SNCAIP: variants seen among roughly 807,000 people sequenced by gnomAD.
SNCAIP encodes the protein synphilin-1.
A neutral mutation model predicts 86.7 loss-of-function variants in SNCAIP; 43 were observed. The observed-to-expected ratio is 0.50, with a 90% CI of 0.39 to 0.64. The LOEUF is 0.64. SNCAIP is among the 30% of genes least tolerant of loss of function. SNCAIP has a pLI of 0.00. For synonymous variants in SNCAIP, 417 were observed against 427.2 expected, an observed-to-expected ratio of 0.98 and a Z score of 0.29; for missense variants, 981 against 1,103.1, an observed-to-expected ratio of 0.89 and a Z score of 1.57.
At chr5:122,445,784 A>T (rs2152986709) in intron 8 of SNCAIP, among the ~76,000 whole-genome samples, 1 of 150,528 alleles carries the variant, frequency 6.6e-6, no homozygotes, top group South Asian at 2.1e-4. Flanking sequence ...AAAGACCTCA[A>T]TTAATTAATT....
intron 3 of SNCAIP, among the ~76,000 whole-genome samples, chr5:122,412,346 C>T (rs1037854003): frequency 6.6e-6 from 1 of 152,168 alleles, no homozygotes; most frequent in Non-Finnish European, 1.5e-5. Context: ...TTCCATCTCT[C>T]TAGGGAAGGT....
chr5:122,442,228 T>A (rs1781176093), intron 7 of SNCAIP, among the ~76,000 whole-genome samples: 1 of 149,724 alleles, frequency 6.7e-6, no homozygotes, highest in Non-Finnish European at 1.5e-5. Flanking sequence ...GCAAGATAGA[T>A]GGTATCCAAA....
intron 1 of SNCAIP, among the ~76,000 whole-genome samples, chr5:122,317,885 A>G (rs760732693): frequency 6.6e-6 from 1 of 151,732 alleles, no homozygotes; most frequent in Non-Finnish European, 1.5e-5. Flanking sequence ...CTCCTGCTCC[A>G]CTTCCTTTCA....
chr5:122,451,039 G>T lies in SNCAIP; in HGVS notation c.2192G>T (p.Arg731Leu), dbSNP rs146515227. Residue 731 changes from arginine to leucine, a missense_variant, in exon 10 of 11, where the codon CGC (arginine) becomes CTC (leucine). By Grantham distance (102) the Arg-to-Leu change is moderately radical. Transcript: ENST00000261368. ...AAACACACCTTGGCATCAGGGGGACGCAGGTTTCCTTTCAGCATCAAGGCC... is the reference window on the plus strand; with the variant it reads ...AAACACACCTTGGCATCAGGGGGACTCAGGTTTCCTTTCAGCATCAAGGCC... ...IKKHTLASGG[R>L]RFPFSIKASK... 4 of 1,614,170 alleles carry T rather than the reference G, an allele frequency of 2.5e-6. No homozygotes were observed. The highest frequency in any genetic ancestry group is 1.3e-5 in the African/African-American group (1 of 75,048).
chr5:122,411,539 A>ATATC (rs1287661797), intron 3 of SNCAIP, among the ~76,000 whole-genome samples: 1 of 151,736 alleles, frequency 6.6e-6, no homozygotes, highest in Non-Finnish European at 1.5e-5. Context: ...TTTTATCCAC[A>ATATC]TATCTCCTTT....
chr5:122,420,585 A>ATAT (rs1554105462), intron 3 of SNCAIP, among the ~76,000 whole-genome samples: 111 of 151,482 alleles, frequency 7.3e-4, no homozygotes, highest in Non-Finnish European at 9.0e-4. Context: ...GTATATATAT[A>ATAT]TTTTTTTTTC....
At chr5:122,453,753 T>TATCA in intron 10 of SNCAIP, among the ~76,000 whole-genome samples, 1 of 149,098 alleles carries the variant, frequency 6.7e-6, no homozygotes, top group East Asian at 2.0e-4. Context: ...TTTAAAAGAC[T>TATCA]ATCACTTTTT....
At chr5:122,393,233 A>G (rs1372303851) in intron 2 of SNCAIP, among the ~76,000 whole-genome samples, 29 of 152,202 alleles carry the variant, frequency 1.9e-4, no homozygotes, top group Admixed American at 1.9e-3. Context: ...TTGAAATTGC[A>G]TAGATTTGAA....
chr5:122,444,212 C>T, intron 7 of SNCAIP: 1 of 475,334 alleles, frequency 2.1e-6, no homozygotes, highest in Non-Finnish European at 4.2e-6. Flanking sequence ...TTCCAGTCTC[C>T]CCCTCTTACA....
intron 1 of SNCAIP, among the ~76,000 whole-genome samples, chr5:122,336,394 A>G (rs1213454689): frequency 6.6e-6 from 1 of 152,216 alleles, no homozygotes; most frequent in African/African-American, 2.4e-5. Flanking sequence ...TGGTGTAGTC[A>G]TGACTCTAAC....
intron 1 of SNCAIP, among the ~76,000 whole-genome samples, chr5:122,351,263 G>A (rs938881025): frequency 6.6e-5 from 10 of 151,982 alleles, no homozygotes; most frequent in South Asian, 4.1e-4. Flanking sequence ...CTGGCCAGGC[G>A]CGGTCGCTCA....
chr5:122,321,929 G>C (rs1313489876), intron 1 of SNCAIP: 1 of 151,892 alleles, frequency 6.6e-6, no homozygotes, highest in Non-Finnish European at 1.5e-5. Flanking sequence ...AGTCTAGTAT[G>C]TGAAATCATA....
At chr5:122,317,440 T>C (rs1177775218) in intron 1 of SNCAIP, among the ~76,000 whole-genome samples, 1 of 152,216 alleles carries the variant, frequency 6.6e-6, no homozygotes, top group Non-Finnish European at 1.5e-5. Flanking sequence ...CAGGATTAAC[T>C]TTAATTAGAC....
Position 122,394,745 on chromosome 5 carries a change from G to T in SNCAIP, c.57+3554G>T, listed in dbSNP as rs77703624. Among the ~76,000 whole-genome samples the T allele has an allele frequency of 8.2e-3, 1,247 of 152,288 alleles. 19 individuals are homozygous for T. Among genetic ancestry groups the T allele is most frequent in the African/African-American group, 0.028 (1,172 of 41,544 alleles). The stretch of plus-strand genomic sequence containing the variant: ...AAATAGTTTCACACACAGGACTAAA[G>T]AAAGCAGAGGCTGAACTCTGGATCT... On this transcript the variant is annotated intron_variant, in intron 2 of 10. Coordinates refer to ENST00000261368, the MANE Select transcript of SNCAIP (RefSeq NM_005460.4).
At chr5:122,405,194 C>G (rs576473258) in intron 3 of SNCAIP, among the ~76,000 whole-genome samples, 8 of 152,154 alleles carry the variant, frequency 5.3e-5, no homozygotes, top group Non-Finnish European at 1.5e-5. Context: ...AGTTAGAGTT[C>G]AGGCACTTAT....
At position 122,403,947 on chromosome 5, in the gene SNCAIP, C is replaced by G. The variant is rs1772406272; in HGVS notation, c.130+82C>G. 4 of 1,004,500 alleles carry G rather than the reference C, an allele frequency of 4.0e-6. No individual in the cohort carries two copies. In the Admixed American group the frequency reaches 5.3e-5, roughly 13 times the overall value. 62.2% of individuals were successfully genotyped at this position (1,004,500 alleles called of 1,614,324 possible). On this transcript the variant is annotated intron_variant, in intron 3 of 10. Coordinates refer to ENST00000261368, the MANE Select transcript of SNCAIP (RefSeq NM_005460.4). ...GAAAGCTGTTTTTCCTCACACTGGT[C>G]CCCCCTGCTTTCAGTTTTCTTTTCT...
At position 122,450,590 on chromosome 5, in the gene SNCAIP, T is replaced by C. The variant is rs764645446; in HGVS notation, c.1743T>C (p.Asp581=). 1 of 1,614,176 alleles carries C rather than the reference T, an allele frequency of 6.2e-7. No homozygotes were observed. The highest frequency in any genetic ancestry group is 1.3e-5 in the African/African-American group (1 of 75,050). Residue 581 remains aspartate, a synonymous_variant, in exon 10 of 11, where the codon GAT becomes GAC. Transcript: ENST00000261368. ...KSQWKSPDAD[D]DSVAKSKPGV... ...AGTGGAAATCTCCAGATGCAGATGA[T>C]GATTCTGTAGCCAAAAGCAAGCCAG...
At chr5:122,429,033 A>T (rs1375915537) in intron 5 of SNCAIP, among the ~76,000 whole-genome samples, 1 of 152,144 alleles carries the variant, frequency 6.6e-6, no homozygotes, top group Non-Finnish European at 1.5e-5. Context: ...GAAATTTGGG[A>T]TGTTCATAAA....
Position 122,391,198 on chromosome 5 carries a change from A to G in SNCAIP, c.57+7A>G. On this transcript the variant is annotated splice_region_variant and intron_variant, in intron 2 of 10. Coordinates refer to ENST00000261368, the MANE Select transcript of SNCAIP (RefSeq NM_005460.4). ...CTTTAGTGATGACATATCTGTAAGTACCACTGTATACAAGAAATGCTTTCA... is the reference window on the plus strand; with the variant it reads ...CTTTAGTGATGACATATCTGTAAGTGCCACTGTATACAAGAAATGCTTTCA... 6.3e-7 allele frequency: 1 copy of G among 1,578,840 alleles called. No homozygotes were observed.
Sources: allele counts gnomAD v4.1 joint callset (sites outside exome capture counted in the v4.1 genomes callset), GRCh38; gene constraint gnomAD v4.1.1; transcripts MANE v1.5; gene names NCBI Gene and HGNC (gene_info 2026-07-23, HGNC 2026-07-21).